The following SNX9 variants were observed in gnomAD, a reference collection of about 807,000 sequenced individuals.
The protein encoded by SNX9 is sorting nexin-9.
Under a neutral mutation model 89.4 loss-of-function variants are expected in SNX9, and 44 were observed. That is an observed-to-expected ratio of 0.49 (90% confidence interval 0.39 to 0.63). The LOEUF is 0.63. SNX9 is among the 30% of genes least tolerant of loss of function. The pLI is 0.00. For synonymous variants in SNX9, 236 were observed against 247.8 expected (o/e 0.95, Z 0.45); for missense variants, 578 against 736.1 (o/e 0.79, Z 2.49).
chr6:157,826,487 G>C (rs1376882230), intron 1 of SNX9, among the ~76,000 whole-genome samples: 1 of 145,204 alleles, frequency 6.9e-6, no homozygotes, highest in African/African-American at 2.6e-5. Context: ...GTGACAGAGT[G>C]AGACTCCATC....
chr6:157,882,695 C>G (rs989123723), intron 4 of SNX9, among the ~76,000 whole-genome samples: 1 of 152,148 alleles, frequency 6.6e-6, no homozygotes, highest in African/African-American at 2.4e-5. Context: ...GGTAGAAATA[C>G]TAAGAGAACT....
chr6:157,905,935 G>T (rs1034399634), intron 6 of SNX9, among the ~76,000 whole-genome samples, 193 bp from the exon 7 acceptor site: 5 of 152,212 alleles, frequency 3.3e-5, no homozygotes, highest in Admixed American at 6.5e-5. Flanking sequence ...CTGTTTACCA[G>T]ATCAAGCTTA....
chr6:157,887,511 C>T (rs1417116275), intron 4 of SNX9, among the ~76,000 whole-genome samples: 1 of 152,160 alleles, frequency 6.6e-6, no homozygotes, highest in Admixed American at 6.5e-5. Flanking sequence ...CAGAGACCGC[C>T]GAGCTTTGTG....
intron 1 of SNX9, among the ~76,000 whole-genome samples, chr6:157,840,429 T>TTTCC (rs982801682): frequency 4.4e-5 from 5 of 113,074 alleles, no homozygotes; most frequent in Admixed American, 2.5e-4. Flanking sequence ...CTTTTCTTTC[T>TTTCC]TTTCTTTCCT....
chr6:157,863,990 C>T (rs879475445), intron 1 of SNX9, among the ~76,000 whole-genome samples: 1 of 152,154 alleles, frequency 6.6e-6, no homozygotes, highest in African/African-American at 2.4e-5. Flanking sequence ...GATAAACTTA[C>T]AAGGTTTATA....
chr6:157,873,152 G>T lies in SNX9; in HGVS notation c.150G>T (p.Gly50=). ...GAAGAAACATCAAAGGAGAACGAGG[G>T]CTGGTTCCCACAGACTACGTTGAAG... The part of the protein sequence containing the change: ...LEGRNIKGER[G]LVPTDYVEIL... The change falls in exon 3 of 18, where the codon GGG becomes GGT. Residue 50 remains glycine, a synonymous_variant. Transcript: ENST00000392185. 1 of 1,600,802 alleles carries T rather than the reference G, an allele frequency of 6.2e-7. No individual in the cohort carries two copies. Among genetic ancestry groups the T allele is most frequent in the Non-Finnish European group, 8.5e-7 (1 of 1,173,022 alleles).
chr6:157,857,863 G>A (rs1782043142), intron 1 of SNX9, among the ~76,000 whole-genome samples: 2 of 152,052 alleles, frequency 1.3e-5, no homozygotes, highest in African/African-American at 4.8e-5. Flanking sequence ...CATTTGTATT[G>A]TATAACAAAC....
At chr6:157,856,989 CTT>C in intron 1 of SNX9, among the ~76,000 whole-genome samples, 1 of 152,154 alleles carries the variant, frequency 6.6e-6, no homozygotes, top group East Asian at 1.9e-4. Context: ...AAAAGAGAAA[CTT>C]TTATCTACTA....
intron 13 of SNX9, among the ~76,000 whole-genome samples, chr6:157,933,006 A>G (rs1783846242): frequency 6.6e-6 from 1 of 151,722 alleles, no homozygotes; most frequent in Admixed American, 6.6e-5. Context: ...ATAAATGTGT[A>G]TCTTACCCAG....
At chr6:157,913,131 C>CTTTT (rs1289644527) in intron 9 of SNX9, among the ~76,000 whole-genome samples, 3 of 152,142 alleles carry the variant, frequency 2.0e-5, no homozygotes, top group Admixed American at 2.0e-4. Flanking sequence ...GGTGAATTGT[C>CTTTT]TTTTTTCCAA....
intron 16 of SNX9, among the ~76,000 whole-genome samples, chr6:157,938,971 A>G (rs1438057066): frequency 1.3e-5 from 2 of 152,182 alleles, no homozygotes; most frequent in East Asian, 3.8e-4. Context: ...TTAAAACTGT[A>G]CATTTTATTA....
intron 17 of SNX9, among the ~76,000 whole-genome samples, chr6:157,942,190 TA>T (rs1173490841): frequency 6.6e-6 from 1 of 152,232 alleles, no homozygotes; most frequent in Non-Finnish European, 1.5e-5. Flanking sequence ...CTTAAGTTAC[TA>T]AAATTTGTGT....
intron 9 of SNX9, among the ~76,000 whole-genome samples, chr6:157,916,565 T>C (rs1335314989): frequency 6.6e-6 from 1 of 152,218 alleles, no homozygotes; most frequent in African/African-American, 2.4e-5. Flanking sequence ...TGTAGGTTTT[T>C]TGTTAGATGT....
At chr6:157,834,684 C>T (rs1781550302) in intron 1 of SNX9, among the ~76,000 whole-genome samples, 1 of 152,044 alleles carries the variant, frequency 6.6e-6, no homozygotes, top group South Asian at 2.1e-4. Flanking sequence ...TTCCTCATGC[C>T]CATTCCATTC....
At position 157,823,312 on chromosome 6, in the gene SNX9, C is replaced by T; in HGVS notation, c.-123C>T. On this transcript the variant is annotated 5_prime_UTR_variant, in exon 1 of 18. Coordinates refer to ENST00000392185, the MANE Select transcript of SNX9 (RefSeq NM_016224.5). The surrounding 1 kb of genome is among the most constrained non-coding windows in gnomAD (Gnocchi z 4.6). ...ACTCGGGGCCGAGGCGGAGGAGCGG[C>T]CGCCGCGCCGGGGCCCAGCCGGAGC... The T allele has an allele frequency of 2.3e-6, 2 of 863,346 alleles. No homozygotes were observed. Among genetic ancestry groups the T allele is most frequent in the Non-Finnish European group, 1.5e-6 (1 of 677,200 alleles). 53.5% of individuals were successfully genotyped at this position (863,346 alleles called of 1,614,324 possible). A position where few individuals can be genotyped will look rare whatever the true frequency, so the allele number is the denominator to read the frequency against.
intron 16 of SNX9, among the ~76,000 whole-genome samples, 193 bp downstream of exon 16, chr6:157,938,940 T>G (rs1783981126): frequency 6.6e-6 from 1 of 152,210 alleles, no homozygotes; most frequent in African/African-American, 2.4e-5. Context: ...CCACCTTATC[T>G]GGCTATAGAT....
chr6:157,864,245 C>G (rs1022712272), intron 1 of SNX9, among the ~76,000 whole-genome samples: 1 of 152,092 alleles, frequency 6.6e-6, no homozygotes, highest in African/African-American at 2.4e-5. Flanking sequence ...CCCACTCCCA[C>G]GAGCCCTTTT....
At chr6:157,858,606 A>G (rs1389787726) in intron 1 of SNX9, among the ~76,000 whole-genome samples, 1 of 152,188 alleles carries the variant, frequency 6.6e-6, no homozygotes, top group Non-Finnish European at 1.5e-5. Context: ...TACTGTGGCC[A>G]TTGTTACAAT....
intron 1 of SNX9, among the ~76,000 whole-genome samples, chr6:157,838,264 C>T (rs1388954005): frequency 1.3e-5 from 2 of 152,120 alleles, no homozygotes; most frequent in Non-Finnish European, 2.9e-5. Context: ...CTGCCCACCT[C>T]AGCCTCCCAA....
Sources: allele counts gnomAD v4.1 joint callset (sites outside exome capture counted in the v4.1 genomes callset), GRCh38; gene constraint gnomAD v4.1.1; non-coding constraint Gnocchi (gnomAD v3.1); transcripts MANE v1.5; gene names NCBI Gene and HGNC (gene_info 2026-07-23, HGNC 2026-07-21).